The following DMKN variants were observed in gnomAD, a reference collection of about 807,000 sequenced individuals.
DMKN encodes the protein dermokine.
Under a neutral mutation model 67.6 loss-of-function variants are expected in DMKN, and 58 were observed. That is an observed-to-expected ratio of 0.86 (90% confidence interval 0.69 to 1.07). The LOEUF (loss-of-function observed/expected upper bound fraction) is 1.07, where lower values mean the gene tolerates loss of function less well. Among genes scored for constraint, DMKN ranks in the 50% least tolerant of loss-of-function variants. The probability of loss-of-function intolerance (pLI) is 0.00; values close to 1 mark genes in which losing one functional copy is unlikely to be tolerated. For synonymous variants in DMKN, 240 were observed against 232.3 expected (o/e 1.03, Z -0.30); for missense variants, 596 against 601.5 (o/e 0.99, Z 0.10).
In DMKN at chr19:35,513,349, G is replaced by A. The variant is rs1227911563; in HGVS notation, c.127C>T (p.Leu43=). The change falls in exon 1 of 16, where the codon CTG becomes TTG. Residue 43 remains leucine, a synonymous_variant. Transcript: ENST00000339686. ...ACCCCTTCGCTCAGGGCGTCTCCCA[G>A]GCCATGTCCAAGGGCCTCCCCAATA... is the stretch of plus-strand genomic sequence containing the variant. ...TNIGEALGHG[L]GDALSEGVGK... is the part of the protein sequence containing the mutation. 3 of 1,613,816 alleles carry A rather than the reference G, an allele frequency of 1.9e-6. No homozygotes were observed. The African/African-American group carries it at 4.0e-5, about 22-fold the overall frequency.
chr19:35,512,443 C>T lies in DMKN; in HGVS notation c.662G>A (p.Arg221Lys), dbSNP rs901486686. The stretch of plus-strand genomic sequence containing the variant: ...TACCCCTTCATTCTGGTTGCTGGCT[C>T]TCACTGAACCATAGCCAGGCTGGGC... ...AVAQPGYGSV[R>K]ASNQNEGCTN... Residue 221 changes from arginine (R) to lysine (K), a missense_variant, in exon 3 of 16, where the codon AGA becomes AAA. Arg to Lys is a conservative substitution (Grantham distance 26). Transcript: ENST00000339686. The T allele has an allele frequency of 6.2e-7, 1 of 1,614,180 alleles. No individual in the cohort carries two copies. The highest frequency in any genetic ancestry group is 1.1e-5 in the South Asian group (1 of 91,076).
At chr19:35,498,969 T>G (rs2067914763) in intron 13 of DMKN, 72 bp from the exon 14 acceptor site, 4 of 1,611,224 alleles carry the variant, frequency 2.5e-6, no homozygotes, top group Non-Finnish European at 3.4e-6. Flanking sequence ...TCCACGCTCA[T>G]GAAGGGCCCA....
chr19:35,502,298 T>TG (rs969789928), intron 10 of DMKN, 115 bp from the exon 11 acceptor site: 9 of 1,020,816 alleles, frequency 8.8e-6, no homozygotes, highest in Non-Finnish European at 1.1e-5. Flanking sequence ...GGGTGTGGCT[T>TG]GGGGTTGGAG....
At position 35,511,871 on chromosome 19, in the gene DMKN, G is replaced by A. The variant is rs554541886; in HGVS notation, c.685-58C>T. 2.8e-5 allele frequency: 44 copies of A among 1,556,172 alleles called. No individual in the cohort carries two copies. In the East Asian group the frequency reaches 7.7e-4, roughly 27 times the overall value. ...CGGTGAGTTTGGAGACGTTGGCCTC[G>A]GCCATGGACACAGGCCAGGCCTCTC... On this transcript the variant is annotated intron_variant, in intron 3 of 15. Coordinates refer to ENST00000339686, the MANE Select transcript of DMKN (RefSeq NM_033317.5).
intron 11 of DMKN, chr19:35,501,758 G>T: frequency 6.8e-7 from 1 of 1,461,712 alleles, no homozygotes; most frequent in Non-Finnish European, 9.2e-7. Context: ...TCCCCATGCC[G>T]CAGCCTAGGC....
intron 11 of DMKN, 65 bp downstream of exon 11, chr19:35,502,071 G>A (rs1025864194): frequency 6.2e-7 from 1 of 1,609,904 alleles, no homozygotes; most frequent in Non-Finnish European, 8.5e-7. Flanking sequence ...CAGACACCTG[G>A]GTCAGCGGCT....
At position 35,502,157 on chromosome 19, in the gene DMKN, G is replaced by C. The variant is rs2068511375; in HGVS notation, c.1218C>G (p.Leu406=). 6.2e-7 allele frequency: 1 copy of C among 1,614,164 alleles called. No homozygotes were observed. Among genetic ancestry groups the C allele is most frequent in the African/African-American group, 1.3e-5 (1 of 75,050 alleles). ...TTACCTCAATAATTGCTTTCCAGTTGAGGAAAGGAGTGTTCTGTTTGAAAT... is the reference window on the plus strand; with the variant it reads ...TTACCTCAATAATTGCTTTCCAGTTCAGGAAAGGAGTGTTCTGTTTGAAAT... ...WEDFKQNTPF[L]NWKAIIEGAD... is the part of the protein sequence containing the mutation. The change falls in exon 11 of 16, where the codon CTC becomes CTG. Residue 406 remains leucine (L), a synonymous_variant. Coordinates refer to ENST00000339686, the MANE Select transcript of DMKN (RefSeq NM_033317.5).
intron 9 of DMKN, among the ~76,000 whole-genome samples, chr19:35,505,040 T>C (rs1340634654): frequency 2.7e-5 from 4 of 146,476 alleles, no homozygotes; most frequent in Non-Finnish European, 4.5e-5. Flanking sequence ...AAAAAAAAAA[T>C]AGAGTGTCTC....
At chr19:35,505,172 C>T (rs2069211097) in intron 9 of DMKN, among the ~76,000 whole-genome samples, 1 of 152,226 alleles carries the variant, frequency 6.6e-6, no homozygotes, top group East Asian at 1.9e-4. Context: ...GGTGCCTGTG[C>T]TACTCAGGTA....
Position 35,504,879 on chromosome 19 carries a change from A to C in DMKN, c.1134+839T>G, listed in dbSNP as rs545572340. 6.6e-5 allele frequency among the ~76,000 whole-genome samples: 10 copies of C among 151,266 alleles called. No homozygotes were observed. In the South Asian group the frequency reaches 1.9e-3, roughly 29 times the overall value. ...TTCCCAACACCCCCCACCTGGGCCA[A>C]GCAGCAGCTGTTTCTCAGCTCTAGC... On this transcript the variant is annotated intron_variant, in intron 9 of 15. Transcript: ENST00000339686.
intron 5 of DMKN, 113 bp from the exon 6 acceptor site, chr19:35,510,365 T>C: frequency 5.2e-6 from 8 of 1,552,474 alleles, no homozygotes; most frequent in Non-Finnish European, 7.0e-6. Context: ...CAGTCCTCTT[T>C]CCAACCTCCA....
chr19:35,510,070 C>A, intron 6 of DMKN, 109 bp from the exon 7 acceptor site: 1 of 1,572,220 alleles, frequency 6.4e-7, no homozygotes, highest in Non-Finnish European at 8.7e-7. Context: ...GCTCCACCTC[C>A]GCGGCCATCC....
At chr19:35,500,067 A>G in intron 12 of DMKN, 38 bp from the exon 13 acceptor site, 1 of 1,610,904 alleles carries the variant, frequency 6.2e-7, no homozygotes. Flanking sequence ...GAACAGACGG[A>G]CGAAGGCCAT....
At chr19:35,511,326 T>C in intron 5 of DMKN, 85 bp downstream of exon 5, 1 of 1,587,380 alleles carries the variant, frequency 6.3e-7, no homozygotes. Context: ...CAGCGGCAGC[T>C]TTCAGAGAAA....
chr19:35,502,325 G>T (rs956551617), intron 10 of DMKN, 142 bp from the exon 11 acceptor site: 8 of 741,190 alleles, frequency 1.1e-5, no homozygotes, highest in Middle Eastern at 3.5e-4. Flanking sequence ...AAGCACGTGG[G>T]AGATTGAGGG....
In DMKN at chr19:35,512,730, C is replaced by T; in HGVS notation, c.487G>A (p.Gly163Ser). Residue 163 changes from glycine (G) to serine (S), a missense_variant, in exon 2 of 16, where the codon GGC becomes AGC. Coordinates refer to ENST00000339686, the MANE Select transcript of DMKN (RefSeq NM_033317.5). ...GGAGTCCCCAGACCTCCAGGATTGCCCTGGCCCTGGCCTCCAAGGCCACCT... is the reference window on the plus strand; with the variant it reads ...GGAGTCCCCAGACCTCCAGGATTGCTCTGGCCCTGGCCTCCAAGGCCACCT... Reference protein sequence around the residue: ...SQGGLGGQGQGNPGGLGTPWV... With the variant: ...SQGGLGGQGQSNPGGLGTPWV... 1 of 1,614,142 alleles carries T rather than the reference C, an allele frequency of 6.2e-7. No homozygotes were observed. The highest frequency in any genetic ancestry group is 8.5e-7 in the Non-Finnish European group (1 of 1,180,024).
At chr19:35,503,468 T>G (rs762467077) in intron 9 of DMKN, 109 of 1,490,230 alleles carry the variant, frequency 7.3e-5, no homozygotes, top group Non-Finnish European at 5.2e-5. Context: ...AAACAGGTTT[T>G]TTTTTGTTTT....
chr19:35,509,628 G>A (rs2070336330), intron 7 of DMKN: 1 of 399,312 alleles, frequency 2.5e-6, no homozygotes, highest in Non-Finnish European at 4.5e-6. Context: ...CTGGATAGAG[G>A]ACATTTAAGA....
intron 2 of DMKN, 35 bp downstream of exon 2, chr19:35,512,555 G>C: frequency 6.2e-7 from 1 of 1,614,020 alleles, no homozygotes. Flanking sequence ...TGGAGGGAGG[G>C]AGGTGGCAGG....
Sources: gnomAD v4.1 joint callset for allele counts (sites outside exome capture counted in the v4.1 genomes callset) on GRCh38, gnomAD v4.1.1 for gene constraint, MANE v1.5 for transcripts, NCBI Gene and HGNC (gene_info 2026-07-23, HGNC 2026-07-21) for gene names.